The following RNF216 variants were observed in gnomAD, a reference collection of about 807,000 sequenced individuals.
The protein encoded by RNF216 is ring finger protein 216, also known as E3 ubiquitin-protein ligase RNF216.
RNF216 carries 72 observed loss-of-function variants against 110.8 expected under a neutral mutation model. The observed-to-expected ratio is 0.65, with a 90% CI of 0.54 to 0.79. RNF216 has a LOEUF of 0.79. Among genes scored for constraint, RNF216 ranks in the 30% least tolerant of loss-of-function variants. The probability of loss-of-function intolerance (pLI) is 0.00; values close to 1 mark genes in which losing one functional copy is unlikely to be tolerated. For synonymous variants in RNF216, 495 were observed against 407.5 expected (o/e 1.21, Z -2.59); for missense variants, 1,342 against 1,141.2 (o/e 1.18, Z -2.54).
At chr7:5,750,531 T>A (rs574591824) in intron 3 of RNF216, among the ~76,000 whole-genome samples, 1 of 152,246 alleles carries the variant, frequency 6.6e-6, no homozygotes, top group South Asian at 2.1e-4. Flanking sequence ...GTTCACTGAG[T>A]TTTTATTATC....
At position 5,736,319 on chromosome 7, in the gene RNF216, G is replaced by A. The variant is rs901768498; in HGVS notation, c.1121+2957C>T. On this transcript the variant is annotated intron_variant, in intron 5 of 16. Transcript: ENST00000389902. The stretch of plus-strand genomic sequence containing the variant: ...TTTTTTTTGGTGGAGATGGGGTTTC[G>A]CTGTGTTGGCCGGGCTGGTCTCCAG... Among the ~76,000 whole-genome samples the A allele has an allele frequency of 4.6e-5, 7 of 152,274 alleles. No individual in the cohort carries two copies. In the South Asian group the frequency reaches 8.3e-4, roughly 18 times the overall value.
chr7:5,629,397 T>C (rs371481169), intron 15 of RNF216, among the ~76,000 whole-genome samples: 2 of 151,386 alleles, frequency 1.3e-5, no homozygotes, highest in African/African-American at 2.4e-5. Flanking sequence ...CCCAAGGAGG[T>C]TGAGGCTGCA....
At chr7:5,769,119 GC>G (rs1303179585) in intron 1 of RNF216, among the ~76,000 whole-genome samples, 1 of 97,630 alleles carries the variant, frequency 1.0e-5, no homozygotes, top group Non-Finnish European at 1.9e-5. Flanking sequence ...AGTTCCAAAT[GC>G]CTTTTTTTTT....
Position 5,766,722 on chromosome 7 carries a change from A to T in RNF216, c.-69-5584T>A, listed in dbSNP as rs1796228742. ...GGTATCAGTCAGCTTGAGCTGACTA[A>T]TACAGGTGGAATTACAGAAACAACA... On this transcript the variant is annotated intron_variant, in intron 1 of 16. Coordinates refer to ENST00000389902, the MANE Select transcript of RNF216 (RefSeq NM_207111.4). 3.9e-5 allele frequency among the ~76,000 whole-genome samples: 6 copies of T among 152,372 alleles called. No homozygotes were observed. In the East Asian group the frequency reaches 1.2e-3, roughly 29 times the overall value.
intron 13 of RNF216, among the ~76,000 whole-genome samples, chr7:5,653,674 T>C (rs1174008108): frequency 6.6e-6 from 1 of 150,886 alleles, no homozygotes; most frequent in Non-Finnish European, 1.5e-5. Flanking sequence ...AAATGGAAAT[T>C]ATAACCCTAA....
intron 13 of RNF216, among the ~76,000 whole-genome samples, chr7:5,677,984 G>A (rs1486104771): frequency 6.6e-6 from 1 of 152,086 alleles, no homozygotes; most frequent in African/African-American, 2.4e-5. Flanking sequence ...GATCTTTCCA[G>A]GGGGTAACCA....
intron 5 of RNF216, among the ~76,000 whole-genome samples, chr7:5,737,167 T>C (rs1187076526): frequency 1.3e-5 from 2 of 152,264 alleles, no homozygotes; most frequent in Admixed American, 6.5e-5. Context: ...CTCCATTTTG[T>C]TCTGTACTAA....
chr7:5,622,886 C>T lies in RNF216; in HGVS notation c.2746G>A (p.Gly916Ser). The T allele has an allele frequency of 6.2e-7, 1 of 1,606,266 alleles. No individual in the cohort carries two copies. The highest frequency in any genetic ancestry group is 8.5e-7 in the Non-Finnish European group (1 of 1,174,254). Residue 916 changes from glycine to serine, a missense_variant, in exon 17 of 17, where the codon GGC (glycine) becomes AGC (serine). Transcript: ENST00000389902. ...PLEHNLPMHF[G>S]PQPRHRF is the part of the protein sequence containing the mutation. Reference sequence around the variant, plus strand: ...CAGAAGCGATGCCGCGGCTGGGGGCCAAAGTGCATGGGCAGGTTGTGCTCC... The same window carrying T: ...CAGAAGCGATGCCGCGGCTGGGGGCTAAAGTGCATGGGCAGGTTGTGCTCC...
Position 5,739,434 on chromosome 7 carries a change from A to G in RNF216, c.1045-82T>C. On this transcript the variant is annotated intron_variant, in intron 4 of 16. Transcript: ENST00000389902. Reference sequence around the variant, plus strand: ...CAATACAAGACAGATGGCAAAAAGTATAATAAAATGACTAAAGACTAGAAA... The same window carrying G: ...CAATACAAGACAGATGGCAAAAAGTGTAATAAAATGACTAAAGACTAGAAA... 2.9e-6 allele frequency: 4 copies of G among 1,362,974 alleles called. No homozygotes were observed. In the South Asian group the frequency reaches 3.6e-5, roughly 12 times the overall value. 84.4% of individuals were successfully genotyped at this position (1,362,974 alleles called of 1,614,324 possible). A position where few individuals can be genotyped will look rare whatever the true frequency, so the allele number is the denominator to read the frequency against.
intron 1 of RNF216, among the ~76,000 whole-genome samples, chr7:5,772,603 C>T (rs982710826): frequency 2.0e-5 from 3 of 152,054 alleles, no homozygotes; most frequent in Non-Finnish European, 2.9e-5. Context: ...AGCCCCAGAT[C>T]GGGGCTTCTC....
At chr7:5,637,670 G>A (rs76558338) in intron 15 of RNF216, among the ~76,000 whole-genome samples, 1,557 of 152,200 alleles carry the variant, frequency 0.01, 29 homozygotes, top group African/African-American at 0.036. Flanking sequence ...GAAGGAGCTG[G>A]GAACACAGGT....
At chr7:5,745,657 T>C (rs372336440) in intron 3 of RNF216, among the ~76,000 whole-genome samples, 3 of 151,900 alleles carry the variant, frequency 2.0e-5, no homozygotes, top group East Asian at 1.9e-4. Flanking sequence ...CTCAGCACTT[T>C]GGGAGGCTGA....
chr7:5,632,733 C>CG (rs1325507290), intron 15 of RNF216, among the ~76,000 whole-genome samples: 2 of 152,050 alleles, frequency 1.3e-5, no homozygotes, highest in Non-Finnish European at 2.9e-5. Flanking sequence ...GCCAAGATCA[C>CG]GCGACTGCAT....
chr7:5,641,798 G>A (rs1176689553), intron 14 of RNF216, among the ~76,000 whole-genome samples: 1 of 152,060 alleles, frequency 6.6e-6, no homozygotes. Context: ...ACTTTGAGAG[G>A]CCAAAGCAGG....
intron 13 of RNF216, among the ~76,000 whole-genome samples, chr7:5,692,491 G>A (rs960251446): frequency 4.6e-5 from 7 of 152,132 alleles, no homozygotes; most frequent in Non-Finnish European, 8.8e-5. Context: ...TAATTCCCGC[G>A]GGGCCCTGAC....
chr7:5,739,339 G>C lies in RNF216; in HGVS notation c.1058C>G (p.Pro353Arg). 2 of 1,595,618 alleles carry C rather than the reference G, an allele frequency of 1.3e-6. No homozygotes were observed. Among genetic ancestry groups the C allele is most frequent in the Non-Finnish European group, 1.7e-6 (2 of 1,174,482 alleles). ...LLVKETEARF[P>R]DVANGFIEEI... is the part of the protein sequence containing the mutation. ...CTCAATAAACCCATTTGCTACATCT[G>C]GAAATCTTGCTTCCTAGAAACAAAT... The change falls in exon 5 of 17, where the codon CCA (proline) becomes CGA (arginine). Residue 353 changes from proline (P) to arginine (R), a missense_variant. By Grantham distance (103) the Pro-to-Arg change is moderately radical (BLOSUM62 -2). Transcript: ENST00000389902.
intron 8 of RNF216, among the ~76,000 whole-genome samples, chr7:5,723,522 C>G (rs1031579266): frequency 6.6e-6 from 1 of 151,740 alleles, no homozygotes; most frequent in African/African-American, 2.4e-5. Flanking sequence ...TGGCGGGCAC[C>G]TGTAGTCCCA....
intron 3 of RNF216, among the ~76,000 whole-genome samples, chr7:5,748,001 G>A (rs1464310322): frequency 2.6e-5 from 4 of 151,886 alleles, no homozygotes; most frequent in Admixed American, 2.0e-4. Context: ...CAGGGTGACT[G>A]GTATAGCAAC....
intron 15 of RNF216, among the ~76,000 whole-genome samples, chr7:5,640,515 CCAAA>C (rs1787673303): frequency 2.0e-5 from 3 of 152,188 alleles, no homozygotes; most frequent in Admixed American, 2.0e-4. Flanking sequence ...TTTCCGATCC[CCAAA>C]CAGACCCTAT....
Sources: allele counts gnomAD v4.1 joint callset (sites outside exome capture counted in the v4.1 genomes callset), GRCh38; gene constraint gnomAD v4.1.1; transcripts MANE v1.5; gene names NCBI Gene and HGNC (gene_info 2026-07-23, HGNC 2026-07-21).